EN2: variants seen among roughly 807,000 people sequenced by gnomAD.
EN2 encodes the protein homeobox protein engrailed-2.
A neutral mutation model predicts 25.0 loss-of-function variants in EN2; 7 were observed. That is an observed-to-expected ratio of 0.28 (90% confidence interval 0.16 to 0.53). The LOEUF is 0.53. EN2 is among the 20% of genes least tolerant of loss of function. EN2 has a pLI of 0.96. For missense variants in EN2, 524 were observed against 501.8 expected, an observed-to-expected ratio of 1.04 and a Z score of -0.42; for synonymous variants, 277 against 243.3, an observed-to-expected ratio of 1.14 and a Z score of -1.29.
Position 155,461,714 on chromosome 7 carries a change from G to T in EN2, c.686-657G>T, listed in dbSNP as rs78743522. Among the ~76,000 whole-genome samples the T allele has an allele frequency of 3.4e-3, 518 of 152,262 alleles. 2 individuals are homozygous for T. Among genetic ancestry groups the T allele is most frequent in the African/African-American group, 0.012 (487 of 41,562 alleles). ...ACTCACCCACTGTGAGTAGCTCAGT[G>T]CCCCTCCCCACCAAGGAGGGAAGTA... On this transcript the variant is annotated intron_variant, in intron 1 of 1. Coordinates refer to ENST00000297375, the MANE Select transcript of EN2 (RefSeq NM_001427.4).
At chr7:155,462,327 C>T (rs374036358) in intron 1 of EN2, 44 bp from the exon 2 acceptor site, 99 of 1,560,198 alleles carry the variant, frequency 6.3e-5, no homozygotes, top group South Asian at 5.3e-4. Context: ...GGGTGGCACA[C>T]CTCTGGGTAA....
chr7:155,458,476 C>T lies in EN2; in HGVS notation c.99C>T (p.Gly33=), dbSNP rs1178331940. The change falls in exon 1 of 2, where the codon GGC becomes GGT. Residue 33 remains glycine, a synonymous_variant. Coordinates refer to ENST00000297375, the MANE Select transcript of EN2 (RefSeq NM_001427.4). ...CCGGCGGCGGCTCGGGCGGCGGCGG[C>T]GGTAGCAGCCCGGGCGAAGCGGACA... ...SSPGGGSGGG[G]GSSPGEADTG... 6 of 1,294,146 alleles carry T rather than the reference C, an allele frequency of 4.6e-6. No individual in the cohort carries two copies. Among genetic ancestry groups the T allele is most frequent in the South Asian group, 2.9e-5 (1 of 34,918 alleles). The allele number at this position is 1,294,146 out of a possible 1,614,324, so 80.2% of individuals were successfully genotyped here.
Position 155,462,879 on chromosome 7 carries a change from AT to A in EN2, c.*199del, listed in dbSNP as rs933169858. The A allele has an allele frequency of 1.1e-3, 764 of 695,928 alleles. 3 individuals are homozygous for A. The highest frequency in any genetic ancestry group is 1.1e-3 in the Non-Finnish European group (512 of 475,576). 43.1% of individuals were successfully genotyped at this position (695,928 alleles called of 1,614,324 possible). A position where few individuals can be genotyped will look rare whatever the true frequency, so the allele number is the denominator to read the frequency against. ...AATCCAAAATATCTGACTATAAAAT[AT>A]TTTTTTGAGTTTTTTGTGTTTATGA... On this transcript the variant is annotated 3_prime_UTR_variant, in exon 2 of 2. Coordinates refer to ENST00000297375, the MANE Select transcript of EN2 (RefSeq NM_001427.4).
chr7:155,458,986 C>A lies in EN2; in HGVS notation c.609C>A (p.Gly203=), dbSNP rs1252742217. 4 of 1,554,332 alleles carry A rather than the reference C, an allele frequency of 2.6e-6. No homozygotes were observed. The Admixed American group carries it at 5.5e-5, about 21-fold the overall frequency. The change falls in exon 1 of 2, where the codon GGC becomes GGA. Residue 203 remains glycine (G), a synonymous_variant. Coordinates refer to ENST00000297375, the MANE Select transcript of EN2 (RefSeq NM_001427.4). ...VSSDSDSSQA[G]ANLGAQPMLW... The stretch of plus-strand genomic sequence containing the variant: ...CGGACTCGGACAGCTCGCAAGCCGG[C>A]GCCAACCTGGGCGCGCAGCCCATGC...
Position 155,458,867 on chromosome 7 carries a change from C to T in EN2, c.490C>T (p.His164Tyr). 1 of 1,494,596 alleles carries T rather than the reference C, an allele frequency of 6.7e-7. No homozygotes were observed. Among genetic ancestry groups the T allele is most frequent in the Non-Finnish European group, 8.8e-7 (1 of 1,130,196 alleles). 92.6% of individuals were successfully genotyped at this position (1,494,596 alleles called of 1,614,324 possible). The change falls in exon 1 of 2, where the codon CAC becomes TAC. Residue 164 changes from histidine (H) to tyrosine (Y), a missense_variant. Physicochemically the swap from His to Tyr is moderately conservative, Grantham distance 83. Coordinates refer to ENST00000297375, the MANE Select transcript of EN2 (RefSeq NM_001427.4). ...GEGGSKTLSL[H>Y]GGAKKGGDPG... ...AGGCGGCTCCAAGACGCTCTCGCTGCACGGTGGCGCCAAGAAAGGCGGCGA... is the reference window on the plus strand; with the variant it reads ...AGGCGGCTCCAAGACGCTCTCGCTGTACGGTGGCGCCAAGAAAGGCGGCGA...
Position 155,462,926 on chromosome 7 carries a change from T to A in EN2, c.*239T>A. ...TATGAGATTATGCTAATTTTATGGG[T>A]TTTTTTCTTTTTTGCGAAGGGGGCT... is the stretch of plus-strand genomic sequence containing the variant. On this transcript the variant is annotated 3_prime_UTR_variant, in exon 2 of 2. Coordinates refer to ENST00000297375, the MANE Select transcript of EN2 (RefSeq NM_001427.4). 2 of 423,424 alleles carry A rather than the reference T, an allele frequency of 4.7e-6. No individual in the cohort carries two copies. Among genetic ancestry groups the A allele is most frequent in the Non-Finnish European group, 7.7e-6 (2 of 258,556 alleles). 26.2% of individuals were successfully genotyped at this position (423,424 alleles called of 1,614,324 possible).
rs1795710684 is a variant in EN2 at position 155,462,657 on chromosome 7, AG to A, written c.973del (p.Ala325ProfsTer28). 6 of 1,601,606 alleles carry A rather than the reference AG, an allele frequency of 3.7e-6. No individual in the cohort carries two copies. In the East Asian group the frequency reaches 1.4e-4, roughly 36 times the overall value. ...AQGLYNHSTT[A>X]KEGKSDSE ...AGGGCTTGTACAACCACTCCACCAC[AG>A]CCAAGGAGGGCAAGTCGGACAGCGA... On this transcript the variant is annotated frameshift_variant, in exon 2 of 2. Coordinates refer to ENST00000297375, the MANE Select transcript of EN2 (RefSeq NM_001427.4). LOFTEE classifies it high-confidence loss of function.
At position 155,458,546 on chromosome 7, in the gene EN2, C is replaced by T. The variant is rs1795655210; in HGVS notation, c.169C>T (p.Pro57Ser). The T allele has an allele frequency of 1.4e-6, 2 of 1,414,316 alleles. No homozygotes were observed. Among genetic ancestry groups the T allele is most frequent in the Non-Finnish European group, 1.9e-6 (2 of 1,079,154 alleles). The allele number at this position is 1,414,316 out of a possible 1,614,324, so 87.6% of individuals were successfully genotyped here. The change falls in exon 1 of 2, where the codon CCC (proline) becomes TCC (serine). Residue 57 changes from proline (P) to serine (S), a missense_variant. Transcript: ENST00000297375. ...GATGCTGCCCGCGGTCCTGCAGGCG[C>T]CCGGCAACCACCAGCACCCGCACCG... ...ALMLPAVLQAPGNHQHPHRIT... is the reference protein window; with the variant it reads ...ALMLPAVLQASGNHQHPHRIT...
In EN2 at chr7:155,464,057, T is replaced by C. The variant is rs1795730977; in HGVS notation, c.*1370T>C. On this transcript the variant is annotated 3_prime_UTR_variant, in exon 2 of 2. Transcript: ENST00000297375. ...AGTCCACAGTTCTGAAACATGTGGCTACCTTGTCTTTCAAAAGAACTCAGA... is the reference window on the plus strand; with the variant it reads ...AGTCCACAGTTCTGAAACATGTGGCCACCTTGTCTTTCAAAAGAACTCAGA... 1 of 152,170 alleles carries C rather than the reference T, an allele frequency of 6.6e-6. No individual in the cohort carries two copies. Among genetic ancestry groups the C allele is most frequent in the Admixed American group, 6.5e-5 (1 of 15,268 alleles). 9.4% of individuals were successfully genotyped at this position (152,170 alleles called of 1,614,324 possible).
chr7:155,458,443 A>C lies in EN2; in HGVS notation c.66A>C (p.Glu22Asp). 6.1e-6 allele frequency: 8 copies of C among 1,305,078 alleles called. No individual in the cohort carries two copies. The highest frequency in any genetic ancestry group is 7.8e-6 in the Non-Finnish European group (8 of 1,026,854). The allele number at this position is 1,305,078 out of a possible 1,614,324, so 80.8% of individuals were successfully genotyped here. ...CGGTGGAGGGACAGCGGCAGCCGGA[A>C]TCCAGCCCCGGCGGCGGCTCGGGCG... ...AAAVEGQRQPESSPGGGSGGG... is the reference protein window; with the variant it reads ...AAAVEGQRQPDSSPGGGSGGG... Residue 22 changes from glutamate to aspartate, a missense_variant, in exon 1 of 2, where the codon GAA (glutamate) becomes GAC (aspartate). By Grantham distance (45) the Glu-to-Asp change is conservative (BLOSUM62 2). Coordinates refer to ENST00000297375, the MANE Select transcript of EN2 (RefSeq NM_001427.4).
In EN2 at chr7:155,464,487, C is replaced by T. The variant is rs1054329027; in HGVS notation, c.*1800C>T. On this transcript the variant is annotated 3_prime_UTR_variant, in exon 2 of 2. Coordinates refer to ENST00000297375, the MANE Select transcript of EN2 (RefSeq NM_001427.4). ...ATTGCAGTAATAGTTTTACGTTGTA[C>T]ATAATAGTGTAAACCTTTTTAAAAA... 6.6e-6 allele frequency: 1 copy of T among 152,602 alleles called. No homozygotes were observed. Among genetic ancestry groups the T allele is most frequent in the African/African-American group, 2.4e-5 (1 of 41,436 alleles). 9.5% of individuals were successfully genotyped at this position (152,602 alleles called of 1,614,324 possible). A position where few individuals can be genotyped will look rare whatever the true frequency, so the allele number is the denominator to read the frequency against.
At position 155,459,124 on chromosome 7, in the gene EN2, G is replaced by A. The variant is rs1230162233; in HGVS notation, c.685+62G>A. ...GGGGAGGCCCGCGGAGCTGGGGGGC[G>A]GTGCTGGCGCGGGAACTTACCGGGA... On this transcript the variant is annotated intron_variant, in intron 1 of 1. Transcript: ENST00000297375. The A allele has an allele frequency of 6.8e-6, 10 of 1,471,794 alleles. No homozygotes were observed. The East Asian group carries it at 8.0e-5, about 12-fold the overall frequency. The allele number at this position is 1,471,794 out of a possible 1,614,324, so 91.2% of individuals were successfully genotyped here. A position where few individuals can be genotyped will look rare whatever the true frequency, so the allele number is the denominator to read the frequency against.
chr7:155,461,525 G>T (rs1795696922), intron 1 of EN2, among the ~76,000 whole-genome samples: 1 of 152,234 alleles, frequency 6.6e-6, no homozygotes, highest in Admixed American at 6.5e-5. Flanking sequence ...GGGAGGCACA[G>T]TGGGGAGGGT....
In EN2 at chr7:155,463,213, G is replaced by T; in HGVS notation, c.*526G>T. The T allele has an allele frequency of 6.5e-6, 1 of 153,544 alleles. No individual in the cohort carries two copies. The allele number at this position is 153,544 out of a possible 1,614,324, so 9.5% of individuals were successfully genotyped here. A position where few individuals can be genotyped will look rare whatever the true frequency, so the allele number is the denominator to read the frequency against. On this transcript the variant is annotated 3_prime_UTR_variant, in exon 2 of 2. Transcript: ENST00000297375. ...GGACCAGCCACCTCAAGGCCTTGGGGAGCTTAGGGGACCTGGTGGGAGAGA... is the reference window on the plus strand; with the variant it reads ...GGACCAGCCACCTCAAGGCCTTGGGTAGCTTAGGGGACCTGGTGGGAGAGA...
chr7:155,462,179 C>T (rs1453935277), intron 1 of EN2, among the ~76,000 whole-genome samples, 192 bp from the exon 2 acceptor site: 1 of 152,224 alleles, frequency 6.6e-6, no homozygotes, highest in Non-Finnish European at 1.5e-5. Context: ...CGCAGTCCTC[C>T]CTCACCAAGT....
In EN2 at chr7:155,458,792, G is replaced by T. The variant is rs1795660153; in HGVS notation, c.415G>T (p.Ala139Ser). The T allele has an allele frequency of 1.4e-6, 2 of 1,390,558 alleles. No individual in the cohort carries two copies. The highest frequency in any genetic ancestry group is 6.0e-5 in the East Asian group (2 of 33,064). The allele number at this position is 1,390,558 out of a possible 1,614,324, so 86.1% of individuals were successfully genotyped here. The change falls in exon 1 of 2, where the codon GCG (alanine) becomes TCG (serine). Residue 139 changes from alanine (A) to serine (S), a missense_variant. Coordinates refer to ENST00000297375, the MANE Select transcript of EN2 (RefSeq NM_001427.4). ...GCAGAACCCGCCATGTGCGCCCGGC[G>T]CGGGCGGGCCGCTCCCAGCCGCCGG... ...PRQNPPCAPG[A>S]GGPLPAAGSD...
Position 155,458,221 on chromosome 7 carries a change from C to CT in EN2, c.-155dup, listed in dbSNP as rs1161876485. The stretch of plus-strand genomic sequence containing the variant: ...GCTCCGCGCCGAGCGCGGCCGGCGA[C>CT]TTGTAGGACCTCAGCCCTGGCCGCG... On this transcript the variant is annotated 5_prime_UTR_variant, in exon 1 of 2. Coordinates refer to ENST00000297375, the MANE Select transcript of EN2 (RefSeq NM_001427.4). 54 of 1,037,314 alleles carry CT rather than the reference C, an allele frequency of 5.2e-5. No homozygotes were observed. The highest frequency in any genetic ancestry group is 6.6e-5 in the Non-Finnish European group (53 of 801,086). 64.3% of individuals were successfully genotyped at this position (1,037,314 alleles called of 1,614,324 possible). A position where few individuals can be genotyped will look rare whatever the true frequency, so the allele number is the denominator to read the frequency against.
At position 155,458,202 on chromosome 7, in the gene EN2, C is replaced by T; in HGVS notation, c.-176C>T. 1.2e-6 allele frequency: 1 copy of T among 825,208 alleles called. No individual in the cohort carries two copies. The highest frequency in any genetic ancestry group is 1.6e-6 in the Non-Finnish European group (1 of 608,356). 51.1% of individuals were successfully genotyped at this position (825,208 alleles called of 1,614,324 possible). On this transcript the variant is annotated 5_prime_UTR_variant, in exon 1 of 2. Transcript: ENST00000297375. ...GTTCGTGGATTCAAAGGTGGCTCCG[C>T]GCCGAGCGCGGCCGGCGACTTGTAG...
Position 155,462,678 on chromosome 7 carries a change from C to T in EN2, c.993C>T (p.Asp331=), listed in dbSNP as rs1015970748. Reference sequence around the variant, plus strand: ...CCACAGCCAAGGAGGGCAAGTCGGACAGCGAGTAGGGCGGGGGGCATGGAG... The same window carrying T: ...CCACAGCCAAGGAGGGCAAGTCGGATAGCGAGTAGGGCGGGGGGCATGGAG... ...HSTTAKEGKS[D]SE is the part of the protein sequence containing the mutation. Residue 331 remains aspartate, a synonymous_variant, in exon 2 of 2, where the codon GAC becomes GAT. Coordinates refer to ENST00000297375, the MANE Select transcript of EN2 (RefSeq NM_001427.4). The T allele has an allele frequency of 1.3e-6, 2 of 1,581,724 alleles. No individual in the cohort carries two copies. Among genetic ancestry groups the T allele is most frequent in the African/African-American group, 2.7e-5 (2 of 74,212 alleles).
Sources: gnomAD v4.1 joint callset for allele counts (sites outside exome capture counted in the v4.1 genomes callset) on GRCh38, gnomAD v4.1.1 for gene constraint, MANE v1.5 for transcripts, NCBI Gene and HGNC (gene_info 2026-07-23, HGNC 2026-07-21) for gene names.